OAF: variants seen among roughly 807,000 people sequenced by gnomAD.
The protein encoded by OAF is out at first protein homolog.
In OAF, 13 loss-of-function variants were observed where a neutral mutation model predicts 22.5. That is an observed-to-expected ratio of 0.58 (90% CI 0.38 to 0.92). OAF has a LOEUF of 0.92. Among genes scored for constraint, OAF ranks in the 40% least tolerant of loss-of-function variants. The pLI, the probability that OAF is intolerant of heterozygous loss-of-function variation, is 0.00. For synonymous variants in OAF, 175 were observed against 170.5 expected (o/e 1.03, Z -0.21); for missense variants, 347 against 381.8 (o/e 0.91, Z 0.76).
At position 120,222,284 on chromosome 11, in the gene OAF, G is replaced by A. The variant is rs116631498; in HGVS notation, c.232-3377G>A. Among the ~76,000 whole-genome samples the A allele has an allele frequency of 5.7e-3, 874 of 152,306 alleles. 10 individuals carry two copies. The highest frequency in any genetic ancestry group is 0.019 in the African/African-American group (800 of 41,576). The stretch of plus-strand genomic sequence containing the variant: ...GGGAAATAGGACGAAAGGGCCGGGC[G>A]CAGTGGCTCACACCTGTAATCCCAG... On this transcript the variant is annotated intron_variant, in intron 1 of 3. Coordinates refer to ENST00000328965, the MANE Select transcript of OAF (RefSeq NM_178507.4).
rs1477405493 is a variant in OAF at position 120,211,430 on chromosome 11, G to A, written c.151G>A (p.Asp51Asn). The A allele has an allele frequency of 1.3e-6, 2 of 1,562,120 alleles. No homozygotes were observed. The highest frequency in any genetic ancestry group is 3.7e-5 in the Admixed American group (2 of 53,832). ...GQVTEESLQA[D>N]SDADSISLEL... ...GGTGACCGAGGAGAGCCTGCAGGCG[G>A]ACAGCGACGCGGACAGCATCAGCCT... is the stretch of plus-strand genomic sequence containing the variant. Residue 51 changes from aspartate (D) to asparagine (N), a missense_variant, in exon 1 of 4, where the codon GAC (aspartate) becomes AAC (asparagine). Transcript: ENST00000328965.
chr11:120,227,978 C>T (rs1231497317), intron 3 of OAF, among the ~76,000 whole-genome samples: 1 of 152,140 alleles, frequency 6.6e-6, no homozygotes, highest in Non-Finnish European at 1.5e-5. Context: ...CTCCAGCGCC[C>T]CAATATGCAC....
rs768251643 is a variant in OAF, at chr11:120,229,120, A to G, written c.800A>G (p.Asp267Gly). The change falls in exon 4 of 4, where the codon GAT (aspartate) becomes GGT (glycine). Residue 267 changes from aspartate to glycine, a missense_variant. Coordinates refer to ENST00000328965, the MANE Select transcript of OAF (RefSeq NM_178507.4). ...CCCCAGAGGCAGCTGTGTCTCTGGGATGAGGATCCCTACCCAGGCTAGGGT... is the reference window on the plus strand; with the variant it reads ...CCCCAGAGGCAGCTGTGTCTCTGGGGTGAGGATCCCTACCCAGGCTAGGGT... ...YVPQRQLCLW[D>G]EDPYPG The G allele has an allele frequency of 1.9e-6, 3 of 1,612,800 alleles. No individual in the cohort carries two copies. The African/African-American group carries it at 4.0e-5, about 22-fold the overall frequency.
At chr11:120,216,530 A>G (rs1425040512) in intron 1 of OAF, among the ~76,000 whole-genome samples, 1 of 152,170 alleles carries the variant, frequency 6.6e-6, no homozygotes, top group African/African-American at 2.4e-5. Context: ...GCTCACTGAC[A>G]TGGGGCTCCT....
intron 1 of OAF, among the ~76,000 whole-genome samples, chr11:120,216,538 C>T (rs967457275): frequency 6.6e-6 from 1 of 152,148 alleles, no homozygotes; most frequent in Non-Finnish European, 1.5e-5. Flanking sequence ...ACATGGGGCT[C>T]CTGGGTCTAA....
At position 120,226,828 on chromosome 11, in the gene OAF, G is replaced by C. The variant is rs759546390; in HGVS notation, c.379G>C (p.Ala127Pro). 6.3e-7 allele frequency: 1 copy of C among 1,597,456 alleles called. No individual in the cohort carries two copies. Among genetic ancestry groups the C allele is most frequent in the Non-Finnish European group, 8.6e-7 (1 of 1,167,534 alleles). Residue 127 changes from alanine (A) to proline (P), a missense_variant, in exon 3 of 4, where the codon GCA (alanine) becomes CCA (proline). Ala to Pro is a conservative substitution (Grantham distance 27). Transcript: ENST00000328965. ...MAKLRQKNPRAVRQAEEVRGL... is the reference protein window; with the variant it reads ...MAKLRQKNPRPVRQAEEVRGL... ...CTCCCACACACAGAAAAATCCCCGG[G>C]CAGTGCGGCAGGCGGAGGAGGTTCG...
intron 3 of OAF, among the ~76,000 whole-genome samples, chr11:120,227,614 A>G (rs1178480235): frequency 2.0e-5 from 3 of 152,006 alleles, no homozygotes; most frequent in South Asian, 2.1e-4. Context: ...TCCATACTGC[A>G]TGGTCCCTGC....
At chr11:120,225,335 G>A (rs61898291) in intron 1 of OAF, among the ~76,000 whole-genome samples, 12 of 152,014 alleles carry the variant, frequency 7.9e-5, no homozygotes, top group Non-Finnish European at 1.5e-4. Flanking sequence ...CCTCCATGAT[G>A]CCCTGATCAG....
chr11:120,222,927 CAAA>C (rs59658059), intron 1 of OAF, among the ~76,000 whole-genome samples: 1 of 145,172 alleles, frequency 6.9e-6, no homozygotes, highest in East Asian at 1.9e-4. Flanking sequence ...CAAAACAAAA[CAAA>C]AAACAAAAAA....
chr11:120,214,987 C>T (rs1426673053), intron 1 of OAF, among the ~76,000 whole-genome samples: 2 of 152,198 alleles, frequency 1.3e-5, no homozygotes, highest in Non-Finnish European at 1.5e-5. Context: ...ATTCCCACTG[C>T]CTGGGCTGCA....
chr11:120,213,843 G>A (rs539777086), intron 1 of OAF: 9 of 152,350 alleles, frequency 5.9e-5, no homozygotes, highest in African/African-American at 1.9e-4. Context: ...GGAGGCTGAG[G>A]CAGGCTTATC....
chr11:120,211,959 G>A (rs1015919944), intron 1 of OAF, among the ~76,000 whole-genome samples: 6 of 152,196 alleles, frequency 3.9e-5, no homozygotes, highest in African/African-American at 1.4e-4. Context: ...AGGGGTCTGC[G>A]AGGCCTCCCA....
Position 120,229,367 on chromosome 11 carries a change from G to GTTTTTAATGATA in OAF, c.*225_*226insTTTTTAATGATA. On this transcript the variant is annotated 3_prime_UTR_variant, in exon 4 of 4. Coordinates refer to ENST00000328965, the MANE Select transcript of OAF (RefSeq NM_178507.4). ...TTCCCACCCTGTGCCTTCCTTGCGG[G>GTTTTTAATGATA]CAGAGAGGGAGAGAAGGGCTCCCCA... The GTTTTTAATGATA allele has an allele frequency of 6.0e-6, 2 of 331,636 alleles. No individual in the cohort carries two copies. The highest frequency in any genetic ancestry group is 1.1e-4 in the South Asian group (1 of 9,010). The allele number at this position is 331,636 out of a possible 1,614,324, so 20.5% of individuals were successfully genotyped here.
intron 1 of OAF, among the ~76,000 whole-genome samples, chr11:120,223,426 A>G (rs934356394): frequency 6.6e-6 from 1 of 152,140 alleles, no homozygotes; most frequent in Non-Finnish European, 1.5e-5. Flanking sequence ...TGACCCATGG[A>G]AACAATGTTT....
intron 1 of OAF, among the ~76,000 whole-genome samples, chr11:120,221,633 A>C (rs923677547): frequency 6.6e-6 from 1 of 152,224 alleles, no homozygotes; most frequent in Non-Finnish European, 1.5e-5. Flanking sequence ...AGGCAAAGCC[A>C]GGATCTGAAC....
intron 1 of OAF, among the ~76,000 whole-genome samples, chr11:120,215,075 G>T (rs1246639803): frequency 2.0e-5 from 3 of 150,972 alleles, no homozygotes; most frequent in Non-Finnish European, 4.4e-5. Context: ...TTCTTTTAAA[G>T]AACCCAGGTG....
Position 120,211,230 on chromosome 11 carries a change from C to A in OAF, c.-50C>A, listed in dbSNP as rs1050151076. On this transcript the variant is annotated 5_prime_UTR_variant, in exon 1 of 4. Transcript: ENST00000328965. ...TGGGCGAAGTTTGCCTGCGCCTCTC[C>A]CCGCCCCCACGCGGCGCGCCGGGGC... The A allele has an allele frequency of 1.7e-6, 2 of 1,150,632 alleles. No individual in the cohort carries two copies. The highest frequency in any genetic ancestry group is 4.7e-5 in the Admixed American group (1 of 21,444). 71.3% of individuals were successfully genotyped at this position (1,150,632 alleles called of 1,614,324 possible). A position where few individuals can be genotyped will look rare whatever the true frequency, so the allele number is the denominator to read the frequency against.
chr11:120,220,911 A>T (rs921574), intron 1 of OAF, among the ~76,000 whole-genome samples: 20,623 of 152,170 alleles, frequency 0.14, 1,776 homozygotes, highest in African/African-American at 0.21. Context: ...CACTCGGGTG[A>T]TAGTAGCATG....
chr11:120,226,191 T>G (rs1272705798), intron 2 of OAF, among the ~76,000 whole-genome samples: 3 of 147,022 alleles, frequency 2.0e-5, no homozygotes, highest in Admixed American at 6.8e-5. Context: ...ACATCACATC[T>G]CCTCCGTCAC....
Sources: gnomAD v4.1 joint callset for allele counts (sites outside exome capture counted in the v4.1 genomes callset) on GRCh38, gnomAD v4.1.1 for gene constraint, MANE v1.5 for transcripts, NCBI Gene and HGNC (gene_info 2026-07-23, HGNC 2026-07-21) for gene names.